Variants in MROH9 observed in about 807,000 individuals in gnomAD.
MROH9 encodes the protein maestro heat like repeat family member 9.
Under a neutral mutation model 98.2 loss-of-function variants are expected in MROH9, and 92 were observed. The observed-to-expected ratio is 0.94, with a 90% CI of 0.79 to 1.11. The LOEUF (loss-of-function observed/expected upper bound fraction) is 1.11. Ranked by LOEUF, MROH9 falls within the 50% of genes most tolerant of loss-of-function variation. The pLI is 0.00. For missense variants in MROH9, 1,057 were observed against 1,014.8 expected (o/e 1.04, Z -0.57); for synonymous variants, 397 against 368.9 (o/e 1.08, Z -0.87).
intron 20 of MROH9, among the ~76,000 whole-genome samples, chr1:171,035,572 C>T (rs368496490): frequency 1.3e-5 from 2 of 151,822 alleles, no homozygotes; most frequent in East Asian, 1.9e-4. Context: ...ATAAAGAATT[C>T]ATGTAAATTT....
In MROH9 at chr1:170,969,761, G is replaced by A. The variant is rs190104855; in HGVS notation, c.481-1987G>A. On this transcript the variant is annotated intron_variant, in intron 7 of 21. Transcript: ENST00000367759. ...ACTAAGCAGGAATACTTAGGTTTAGGAGTGAATACCGAGAAGCTACTTTTC... is the reference window on the plus strand; with the variant it reads ...ACTAAGCAGGAATACTTAGGTTTAGAAGTGAATACCGAGAAGCTACTTTTC... Among the ~76,000 whole-genome samples the A allele has an allele frequency of 1.4e-3, 218 of 152,290 alleles. 5 individuals carry two copies. The highest frequency in any genetic ancestry group is 2.1e-3 in the South Asian group (10 of 4,820).
At chr1:171,045,335 T>G (rs958190212) in intron 20 of MROH9, among the ~76,000 whole-genome samples, 8 of 152,032 alleles carry the variant, frequency 5.3e-5, no homozygotes, top group Admixed American at 2.6e-4. Flanking sequence ...CTTTTACTAA[T>G]TTTGGGTTTG....
At chr1:170,941,557 C>G (rs1198795819) in intron 1 of MROH9, among the ~76,000 whole-genome samples, 4 of 152,154 alleles carry the variant, frequency 2.6e-5, no homozygotes, top group Admixed American at 2.6e-4. Flanking sequence ...ACTATTTTGA[C>G]TGCTGCTTTG....
chr1:171,016,815 A>G (rs1038849860), intron 17 of MROH9, among the ~76,000 whole-genome samples: 3 of 152,198 alleles, frequency 2.0e-5, no homozygotes, highest in African/African-American at 7.2e-5. Flanking sequence ...ATAAAACTTG[A>G]ATTTAAAAGT....
At chr1:171,032,388 T>C (rs1226747860) in intron 20 of MROH9, among the ~76,000 whole-genome samples, 1 of 152,198 alleles carries the variant, frequency 6.6e-6, no homozygotes, top group Non-Finnish European at 1.5e-5. Context: ...CATCTTTTCA[T>C]TGATTCTTTC....
intron 9 of MROH9, among the ~76,000 whole-genome samples, chr1:170,984,157 C>T (rs1196491409): frequency 6.6e-6 from 1 of 152,106 alleles, no homozygotes; most frequent in African/African-American, 2.4e-5. Flanking sequence ...TTGGGATTTC[C>T]AGCACCTTCC....
chr1:171,062,016 A>G (rs1451287474), intron 20 of MROH9, 116 bp from the exon 21 acceptor site: 1 of 652,480 alleles, frequency 1.5e-6, no homozygotes, highest in Non-Finnish European at 2.7e-6. Context: ...AGATGACTCA[A>G]GGATAATATA....
At chr1:171,053,102 C>G (rs935491184) in intron 20 of MROH9, among the ~76,000 whole-genome samples, 1 of 152,176 alleles carries the variant, frequency 6.6e-6, no homozygotes, top group African/African-American at 2.4e-5. Context: ...CAACAATTCT[C>G]CTTCTGCTCT....
intron 11 of MROH9, 25 bp from the exon 12 acceptor site, chr1:170,992,139 G>T (rs777793292): frequency 8.3e-6 from 13 of 1,572,610 alleles, no homozygotes; most frequent in African/African-American, 1.4e-5. Flanking sequence ...GATTCTCATT[G>T]TGTGGGGTGG....
Position 171,064,127 on chromosome 1 carries a change from C to T in MROH9, c.2373C>T (p.Asp791=). The change falls in exon 22 of 22, where the codon GAC becomes GAT. Residue 791 remains aspartate (D), a synonymous_variant. Coordinates refer to ENST00000367759, the MANE Select transcript of MROH9 (RefSeq NM_001163629.2). ...DVIERLLRDE[D]PMIKQLAEIT... ...TTGAACGACTGCTCCGAGATGAAGA[C>T]CCTATGATCAAACAGTTGGCTGAAA... 1 of 1,549,628 alleles carries T rather than the reference C, an allele frequency of 6.5e-7. No homozygotes were observed. The highest frequency in any genetic ancestry group is 1.2e-5 in the South Asian group (1 of 83,562).
In MROH9 at chr1:170,958,523, CCTGG is replaced by C. The variant is rs758185533; in HGVS notation, c.139_142del (p.Ala47Ter). The C allele has an allele frequency of 3.1e-6, 5 of 1,589,574 alleles. No individual in the cohort carries two copies. In the South Asian group the frequency reaches 5.7e-5, roughly 18 times the overall value. Reference sequence around the variant, plus strand: ...GCCTGTTAAGTAATGAATCCATGATCCTGGCTGTGAACTCCAGGTATGATAAGCT... The same window carrying C: ...GCCTGTTAAGTAATGAATCCATGATCCTGTGAACTCCAGGTATGATAAGCT... On this transcript the variant is annotated frameshift_variant, in exon 4 of 22. Transcript: ENST00000367759. LOFTEE classifies it high-confidence loss of function.
At chr1:171,035,887 T>C (rs976024120) in intron 20 of MROH9, among the ~76,000 whole-genome samples, 1 of 152,150 alleles carries the variant, frequency 6.6e-6, no homozygotes, top group Admixed American at 6.5e-5. Flanking sequence ...CACATAGATA[T>C]CCTATGACTC....
chr1:170,962,845 T>G (rs1650069385), intron 6 of MROH9, among the ~76,000 whole-genome samples: 1 of 152,086 alleles, frequency 6.6e-6, no homozygotes, highest in Admixed American at 6.6e-5. Flanking sequence ...GATTAAAGAC[T>G]TAAATGTAAA....
intron 20 of MROH9, among the ~76,000 whole-genome samples, chr1:171,055,059 A>C (rs1330187552): frequency 6.6e-6 from 1 of 152,024 alleles, no homozygotes; most frequent in African/African-American, 2.4e-5. Context: ...ACACTTGCAC[A>C]CGCATGTTTA....
chr1:170,947,041 T>C (rs1017831842), intron 2 of MROH9, among the ~76,000 whole-genome samples: 4 of 151,994 alleles, frequency 2.6e-5, no homozygotes, highest in African/African-American at 9.7e-5. Flanking sequence ...TTTGTTTTAT[T>C]CTTTACCTTA....
intron 9 of MROH9, among the ~76,000 whole-genome samples, chr1:170,983,765 C>T (rs1267803063): frequency 6.6e-6 from 1 of 151,988 alleles, no homozygotes; most frequent in Non-Finnish European, 1.5e-5. Flanking sequence ...TTTACTTAAT[C>T]CTTATAGAAA....
chr1:171,009,201 G>A (rs942792000), intron 15 of MROH9, among the ~76,000 whole-genome samples: 5 of 151,838 alleles, frequency 3.3e-5, no homozygotes, highest in East Asian at 1.9e-4. Flanking sequence ...GTGTAGTTTC[G>A]ACGCATAAAG....
chr1:171,024,606 C>T (rs1652646122), intron 18 of MROH9, 43 bp from the exon 19 acceptor site: 4 of 1,532,252 alleles, frequency 2.6e-6, no homozygotes, highest in Non-Finnish European at 3.5e-6. Context: ...TTTTATCTAA[C>T]AACAGATGAA....
At chr1:170,950,554 C>T (rs1255189460) in intron 3 of MROH9, among the ~76,000 whole-genome samples, 1 of 152,018 alleles carries the variant, frequency 6.6e-6, no homozygotes, top group Non-Finnish European at 1.5e-5. Flanking sequence ...TAGGAGAATG[C>T]ACAGGAAAGC....
Sources: gnomAD v4.1 joint callset for allele counts (sites outside exome capture counted in the v4.1 genomes callset) on GRCh38, gnomAD v4.1.1 for gene constraint, MANE v1.5 for transcripts, NCBI Gene and HGNC (gene_info 2026-07-23, HGNC 2026-07-21) for gene names.